AHCYL2: variants seen among roughly 807,000 people sequenced by gnomAD.
AHCYL2 encodes the protein adenosylhomocysteinase like 2.
Under a neutral mutation model 81.4 loss-of-function variants are expected in AHCYL2, and 28 were observed. The ratio of observed to expected loss-of-function variants is 0.34; its 90% CI spans 0.25 to 0.47. AHCYL2 has a LOEUF of 0.47. Ranked by LOEUF, AHCYL2 falls within the 20% of genes least tolerant of loss-of-function variation. AHCYL2 has a pLI of 1.00. For synonymous variants in AHCYL2, 272 were observed against 290.2 expected, an observed-to-expected ratio of 0.94 and a Z score of 0.64; for missense variants, 551 against 785.1, an observed-to-expected ratio of 0.70 and a Z score of 3.56.
chr7:129,280,963 A>G (rs909218195), intron 1 of AHCYL2, among the ~76,000 whole-genome samples: 4 of 148,336 alleles, frequency 2.7e-5, no homozygotes, highest in African/African-American at 1.0e-4. Flanking sequence ...CTCCTGGTTC[A>G]AGTGATTCTC....
intron 1 of AHCYL2, among the ~76,000 whole-genome samples, chr7:129,237,514 G>C (rs2150683874): frequency 6.6e-6 from 1 of 151,620 alleles, no homozygotes; most frequent in East Asian, 1.9e-4. Flanking sequence ...CTGATTTAGT[G>C]TTTACGGTGA....
intron 1 of AHCYL2, among the ~76,000 whole-genome samples, chr7:129,313,707 C>T (rs1402890307): frequency 6.6e-6 from 1 of 151,766 alleles, no homozygotes; most frequent in Non-Finnish European, 1.5e-5. Context: ...CAAATAGACA[C>T]AATGAAAAAA....
chr7:129,330,046 C>T (rs1563199228), intron 1 of AHCYL2, among the ~76,000 whole-genome samples: 2 of 152,010 alleles, frequency 1.3e-5, no homozygotes. Flanking sequence ...CTGTTGTTGC[C>T]GAGGCTGGAG....
chr7:129,291,713 C>CT (rs397808444), intron 1 of AHCYL2, among the ~76,000 whole-genome samples: 430 of 2,758 alleles, frequency 0.16, 4 homozygotes, highest in Admixed American at 0.32. Context: ...CGCCGTTCTT[C>CT]GCCTCAGCCT....
At chr7:129,350,057 G>A (rs1264139703) in intron 1 of AHCYL2, among the ~76,000 whole-genome samples, 7 of 152,140 alleles carry the variant, frequency 4.6e-5, no homozygotes, top group Non-Finnish European at 8.8e-5. Context: ...TTATACTGTG[G>A]TCATTTTTGC....
intron 1 of AHCYL2, among the ~76,000 whole-genome samples, chr7:129,271,137 C>T (rs1446176475): frequency 4.6e-5 from 7 of 151,418 alleles, no homozygotes; most frequent in African/African-American, 1.5e-4. Context: ...CCGAGGCGGG[C>T]GGATCACGAG....
intron 1 of AHCYL2, among the ~76,000 whole-genome samples, chr7:129,310,056 C>T (rs1797598117): frequency 6.6e-6 from 1 of 152,086 alleles, no homozygotes; most frequent in Non-Finnish European, 1.5e-5. Flanking sequence ...TTTAGCTCTT[C>T]CCATTTTAGA....
chr7:129,288,813 G>A (rs1418338775), intron 1 of AHCYL2, among the ~76,000 whole-genome samples: 1 of 152,072 alleles, frequency 6.6e-6, no homozygotes. Context: ...CTGTCACCCA[G>A]GCTGGAGGTG....
chr7:129,343,739 C>T (rs1476682853), intron 1 of AHCYL2, among the ~76,000 whole-genome samples: 1 of 152,044 alleles, frequency 6.6e-6, no homozygotes, highest in African/African-American at 2.4e-5. Flanking sequence ...TCTTCATGAC[C>T]TTGGGGTAGG....
At chr7:129,383,770 C>T (rs1447708196) in intron 2 of AHCYL2, among the ~76,000 whole-genome samples, 1 of 152,158 alleles carries the variant, frequency 6.6e-6, no homozygotes, top group Admixed American at 6.5e-5. Flanking sequence ...ATGCACTCTC[C>T]TGCTTCGAGA....
chr7:129,420,831 A>G (rs944624418), intron 12 of AHCYL2, among the ~76,000 whole-genome samples: 1 of 152,140 alleles, frequency 6.6e-6, no homozygotes, highest in South Asian at 2.1e-4. Flanking sequence ...TATTTATAAC[A>G]TTTATTTTTT....
intron 1 of AHCYL2, among the ~76,000 whole-genome samples, chr7:129,310,931 T>TTTTGTA (rs1243702130): frequency 6.6e-6 from 1 of 151,934 alleles, no homozygotes; most frequent in Non-Finnish European, 1.5e-5. Context: ...GGCAACATGG[T>TTTTGTA]GAAACCCTGT....
At chr7:129,343,618 A>G (rs1285399547) in intron 1 of AHCYL2, among the ~76,000 whole-genome samples, 1 of 152,186 alleles carries the variant, frequency 6.6e-6, no homozygotes, top group Non-Finnish European at 1.5e-5. Context: ...ATGGTGCTGG[A>G]ACAACTAAAT....
At chr7:129,310,006 C>G (rs1797595780) in intron 1 of AHCYL2, among the ~76,000 whole-genome samples, 2 of 152,164 alleles carry the variant, frequency 1.3e-5, no homozygotes, top group South Asian at 4.2e-4. Context: ...TCTGTTTGAC[C>G]TCATTTTTAC....
chr7:129,391,028 A>C (rs1795445546), intron 4 of AHCYL2, among the ~76,000 whole-genome samples: 1 of 152,252 alleles, frequency 6.6e-6, no homozygotes, highest in Non-Finnish European at 1.5e-5. Context: ...GAATAAAAAA[A>C]GTACAATACT....
At chr7:129,269,356 G>A (rs1462349296) in intron 1 of AHCYL2, among the ~76,000 whole-genome samples, 2 of 151,650 alleles carry the variant, frequency 1.3e-5, no homozygotes, top group African/African-American at 4.8e-5. Flanking sequence ...CACAATTTCA[G>A]CTCACTGCAA....
At chr7:129,332,724 T>G (rs919576530) in intron 1 of AHCYL2, among the ~76,000 whole-genome samples, 1 of 152,206 alleles carries the variant, frequency 6.6e-6, no homozygotes, top group African/African-American at 2.4e-5. Flanking sequence ...AGCTCTCTTT[T>G]TTGCCTGACT....
At chr7:129,346,859 T>G (rs775351642) in intron 1 of AHCYL2, among the ~76,000 whole-genome samples, 2 of 152,192 alleles carry the variant, frequency 1.3e-5, no homozygotes, top group Non-Finnish European at 2.9e-5. Context: ...TTATTTATAA[T>G]TGCCGAAATT....
At chr7:129,236,053 ACT>A (rs1235528983) in intron 1 of AHCYL2, among the ~76,000 whole-genome samples, 4 of 135,156 alleles carry the variant, frequency 3.0e-5, no homozygotes, top group South Asian at 2.3e-4. Flanking sequence ...GTTTTTTGAG[ACT>A]CTGTCACCTG....
Sources: gnomAD v4.1 joint callset for allele counts (sites outside exome capture counted in the v4.1 genomes callset) on GRCh38, gnomAD v4.1.1 for gene constraint, MANE v1.5 for transcripts, NCBI Gene and HGNC (gene_info 2026-07-23, HGNC 2026-07-21) for gene names.